The following OAS3 variants were observed in gnomAD, a reference collection of about 807,000 sequenced individuals.
OAS3 encodes 2'-5'-oligoadenylate synthetase 3, also known as 2'-5'-oligoadenylate synthase 3.
In OAS3, 107 loss-of-function variants were observed where a neutral mutation model predicts 113.0. That is an observed-to-expected ratio of 0.95 (90% CI 0.81 to 1.11). OAS3 has a LOEUF of 1.11. Among genes scored for constraint, OAS3 ranks in the 50% most tolerant of loss-of-function variants. The probability of loss-of-function intolerance (pLI) is 0.00; values close to 1 mark genes in which losing one functional copy is unlikely to be tolerated. For missense variants in OAS3, 1,258 were observed against 1,389.1 expected (o/e 0.91, Z 1.50); for synonymous variants, 552 against 573.6 (o/e 0.96, Z 0.54).
chr12:112,966,762 G>A (rs1187978869), intron 12 of OAS3, among the ~76,000 whole-genome samples: 3 of 152,064 alleles, frequency 2.0e-5, no homozygotes, highest in African/African-American at 7.2e-5. Flanking sequence ...CAGCCCCAGC[G>A]TCCTGAGAAA....
In OAS3 at chr12:112,968,059, A is replaced by T; in HGVS notation, c.2989A>T (p.Thr997Ser). The T allele has an allele frequency of 6.2e-7, 1 of 1,614,024 alleles. No individual in the cohort carries two copies. Among genetic ancestry groups the T allele is most frequent in the Non-Finnish European group, 8.5e-7 (1 of 1,179,890 alleles). The change falls in exon 14 of 16, where the codon ACG becomes TCG. Residue 997 changes from threonine (T) to serine (S), a missense_variant. Coordinates refer to ENST00000228928, the MANE Select transcript of OAS3 (RefSeq NM_006187.4). ...SQFNMAEGFR[T>S]VLELVTQYRQ... ...GTTCAACATGGCTGAGGGCTTCCGC[A>T]CGGTCCTGGAGCTGGTCACCCAGTA...
intron 7 of OAS3, among the ~76,000 whole-genome samples, chr12:112,953,621 C>T (rs1402822025): frequency 6.6e-6 from 1 of 152,138 alleles, no homozygotes; most frequent in African/African-American, 2.4e-5. Context: ...AAAAGTGTTC[C>T]TATTTCTCCA....
chr12:112,948,825 C>T (rs367776057), intron 5 of OAS3, 36 bp from the exon 6 acceptor site: 37 of 1,486,894 alleles, frequency 2.5e-5, no homozygotes, highest in African/African-American at 8.4e-5. Flanking sequence ...GAAACCACTG[C>T]GCCTGGCTGA....
chr12:112,946,854 G>A lies in OAS3; in HGVS notation c.748G>A (p.Glu250Lys), dbSNP rs540679155. 23 of 1,613,984 alleles carry A rather than the reference G, an allele frequency of 1.4e-5. No individual in the cohort carries two copies. The highest frequency in any genetic ancestry group is 9.3e-5 in the African/African-American group (7 of 75,048). ...TAAGAAGGATGCTTTCAGCCTAGCC[G>A]AAGGCCTCCGAACTGTCCTGGGCCT... Reference protein sequence around the residue: ...GCKKDAFSLAEGLRTVLGLIQ... With the variant: ...GCKKDAFSLAKGLRTVLGLIQ... Residue 250 changes from glutamate (E) to lysine (K), a missense_variant, in exon 4 of 16, where the codon GAA (glutamate) becomes AAA (lysine). Transcript: ENST00000228928.
chr12:112,948,080 T>G lies in OAS3; in HGVS notation c.1010T>G (p.Val337Gly). 6.4e-7 allele frequency: 1 copy of G among 1,557,264 alleles called. No homozygotes were observed. Among genetic ancestry groups the G allele is most frequent in the Non-Finnish European group, 8.7e-7 (1 of 1,152,192 alleles). The change falls in exon 5 of 16, where the codon GTG becomes GGG. Residue 337 changes from valine to glycine, a missense_variant. Physicochemically the swap from Val to Gly is moderately radical, Grantham distance 109. Transcript: ENST00000228928. ...PCFLRGMGDPVQSWKGPGLPR... is the reference protein window; with the variant it reads ...PCFLRGMGDPGQSWKGPGLPR... ...TTTCTGAGGGGGATGGGGGACCCAG[T>G]GCAGTCTTGGAAGGGGCCGGTAAGT...
At chr12:112,964,478 G>T in intron 11 of OAS3, 70 bp downstream of exon 11, 1 of 1,511,984 alleles carries the variant, frequency 6.6e-7, no homozygotes, top group Non-Finnish European at 9.0e-7. Context: ...CCAGGGCCAG[G>T]CTTGACCCAC....
chr12:112,969,494 C>T (rs2136363841), intron 14 of OAS3, 114 bp from the exon 15 acceptor site: 1 of 1,281,182 alleles, frequency 7.8e-7, no homozygotes, highest in East Asian at 2.5e-5. Flanking sequence ...TCTCTGAGCC[C>T]TGGCTCTAGC....
In OAS3 at chr12:112,950,745, T is replaced by C. The variant is rs938612675; in HGVS notation, c.1427T>C (p.Leu476Pro). The change falls in exon 7 of 16, where the codon CTC becomes CCC. Residue 476 changes from leucine to proline, a missense_variant. Physicochemically the swap from Leu to Pro is moderately conservative, Grantham distance 98. Transcript: ENST00000228928. ...CTAAGGGATGGCTGTGATGTTGAACTCATCATCTTCCTCAACTGCTTCACG... is the reference window on the plus strand; with the variant it reads ...CTAAGGGATGGCTGTGATGTTGAACCCATCATCTTCCTCAACTGCTTCACG... ...TDLRDGCDVE[L>P]IIFLNCFTDY... 2 of 1,614,024 alleles carry C rather than the reference T, an allele frequency of 1.2e-6. No individual in the cohort carries two copies. Among genetic ancestry groups the C allele is most frequent in the Admixed American group, 1.7e-5 (1 of 60,032 alleles).
intron 1 of OAS3, 133 bp downstream of exon 1, chr12:112,938,840 C>A: frequency 1.3e-6 from 1 of 758,674 alleles, no homozygotes. Flanking sequence ...CAAATACTTC[C>A]AATGTGCCAG....
Position 112,969,431 on chromosome 12 carries a change from A to G in OAS3, c.3105-177A>G, listed in dbSNP as rs193155456. On this transcript the variant is annotated intron_variant, in intron 14 of 15. Transcript: ENST00000228928. Reference sequence around the variant, plus strand: ...CTGAATGCAGAATGGCAAAGTGGCCATGTGTGTCTTATTTTCTATACCTGC... The same window carrying G: ...CTGAATGCAGAATGGCAAAGTGGCCGTGTGTGTCTTATTTTCTATACCTGC... The G allele has an allele frequency of 1.1e-4, 76 of 678,758 alleles. No individual in the cohort carries two copies. The East Asian group carries it at 2.1e-3, about 18-fold the overall frequency. 42.0% of individuals were successfully genotyped at this position (678,758 alleles called of 1,614,324 possible).
intron 8 of OAS3, 39 bp downstream of exon 8, chr12:112,961,285 T>G: frequency 6.3e-7 from 1 of 1,592,238 alleles, no homozygotes; most frequent in Non-Finnish European, 8.6e-7. Context: ...GCCACCACTG[T>G]CATGGCAACC....
chr12:112,944,712 C>T (rs766855348), intron 3 of OAS3, 61 bp downstream of exon 3: 13 of 1,560,418 alleles, frequency 8.3e-6, no homozygotes, highest in South Asian at 5.6e-5. Flanking sequence ...CTTTCATAGT[C>T]GTGAAACTGT....
chr12:112,947,418 A>C (rs2043743501), intron 4 of OAS3, among the ~76,000 whole-genome samples: 1 of 152,220 alleles, frequency 6.6e-6, no homozygotes, highest in South Asian at 2.1e-4. Context: ...ATCATGCCAC[A>C]TGTACTTTTG....
At chr12:112,953,201 T>C (rs1351580528) in intron 7 of OAS3, among the ~76,000 whole-genome samples, 3 of 151,366 alleles carry the variant, frequency 2.0e-5, no homozygotes, top group African/African-American at 7.3e-5. Context: ...AGTGTTCTCA[T>C]TGTTCAGTTC....
At chr12:112,952,114 AAAATATCTT>A (rs2043798508) in intron 7 of OAS3, among the ~76,000 whole-genome samples, 2 of 152,298 alleles carry the variant, frequency 1.3e-5, no homozygotes, top group African/African-American at 4.8e-5. Context: ...ATTTCTGAGT[AAAATATCTT>A]AAAATCTCCT....
chr12:112,966,296 T>G (rs1255802905), intron 12 of OAS3, among the ~76,000 whole-genome samples: 1 of 152,214 alleles, frequency 6.6e-6, no homozygotes, highest in African/African-American at 2.4e-5. Flanking sequence ...TGGATGACCT[T>G]GAACAAGGGA....
intron 8 of OAS3, 36 bp downstream of exon 8, chr12:112,961,282 C>T (rs2043883057): frequency 6.3e-7 from 1 of 1,596,970 alleles, no homozygotes; most frequent in Admixed American, 1.7e-5. Context: ...GAAGCCACCA[C>T]TGTCATGGCA....
chr12:112,957,034 A>G (rs189291618), intron 7 of OAS3, among the ~76,000 whole-genome samples: 1 of 152,306 alleles, frequency 6.6e-6, no homozygotes, highest in East Asian at 1.9e-4. Context: ...TATTGGGCGC[A>G]TATATATTTA....
chr12:112,966,177 C>T, intron 12 of OAS3, 148 bp downstream of exon 12: 1 of 873,662 alleles, frequency 1.1e-6, no homozygotes, highest in Non-Finnish European at 1.7e-6. Context: ...CACAACTTTC[C>T]TGCAAAGTAT....
Sources: allele counts gnomAD v4.1 joint callset (sites outside exome capture counted in the v4.1 genomes callset), GRCh38; gene constraint gnomAD v4.1.1; transcripts MANE v1.5; gene names NCBI Gene and HGNC (gene_info 2026-07-23, HGNC 2026-07-21).